The following AP3D1 variants were observed in gnomAD, a reference collection of about 807,000 sequenced individuals.
AP3D1 encodes the protein AP-3 complex subunit delta-1.
AP3D1 carries 51 observed loss-of-function variants against 147.6 expected under a neutral mutation model. The ratio of observed to expected loss-of-function variants is 0.35; its 90% CI spans 0.28 to 0.44. The LOEUF (loss-of-function observed/expected upper bound fraction) is 0.44. Among genes scored for constraint, AP3D1 ranks in the 20% least tolerant of loss-of-function variants. The probability of loss-of-function intolerance (pLI) is 1.00; values close to 1 mark genes in which losing one functional copy is unlikely to be tolerated. For synonymous variants in AP3D1, 760 were observed against 663.0 expected (o/e 1.15, Z -2.25); for missense variants, 1,421 against 1,624.2 (o/e 0.87, Z 2.15).
upstream of AP3D1, among the ~76,000 whole-genome samples, chr19:2,151,908 G>A (rs138021687): frequency 6.6e-6 from 1 of 152,240 alleles, no homozygotes; most frequent in Admixed American, 6.5e-5. Context: ...GAGCTTAGCC[G>A]GCAAGTTCCC....
chr19:2,163,237 C>T (rs1447726030), intron 1 of AP3D1, among the ~76,000 whole-genome samples: 2 of 152,020 alleles, frequency 1.3e-5, no homozygotes, highest in African/African-American at 4.8e-5. Flanking sequence ...CCGCGCCCAG[C>T]TAATTTTTGT....
At chr19:2,141,292 CAA>C (rs961577421) in intron 1 of AP3D1, among the ~76,000 whole-genome samples, 2 of 152,100 alleles carry the variant, frequency 1.3e-5, no homozygotes, top group African/African-American at 4.8e-5. Context: ...GATACTAAAA[CAA>C]TGATGCTGGT....
chr19:2,121,344 GGACCCAGC>G (rs1568287722), intron 12 of AP3D1, 33 bp from the exon 13 acceptor site: 2 of 1,610,100 alleles, frequency 1.2e-6, no homozygotes, highest in South Asian at 2.2e-5. Context: ...TGGTGAGAGC[GGACCCAGC>G]CTGGGGCCTG....
intron 31 of AP3D1, among the ~76,000 whole-genome samples, chr19:2,106,076 G>C (rs998467117): frequency 1.3e-5 from 2 of 152,192 alleles, no homozygotes; most frequent in African/African-American, 4.8e-5. Context: ...CTGGGCGACA[G>C]AGCGAGACTC....
At chr19:2,140,375 G>C (rs2238601) in intron 1 of AP3D1, among the ~76,000 whole-genome samples, 1 of 151,890 alleles carries the variant, frequency 6.6e-6, no homozygotes, top group Non-Finnish European at 1.5e-5. Flanking sequence ...CGAACACACA[G>C]GGCAGCACCA....
chr19:2,124,009 G>T (rs1418356669), intron 9 of AP3D1, 130 bp from the exon 10 acceptor site: 13 of 1,052,290 alleles, frequency 1.2e-5, no homozygotes, highest in Non-Finnish European at 1.8e-5. Context: ...ATGCCACTGA[G>T]TTTGGGACCA....
intron 1 of AP3D1, among the ~76,000 whole-genome samples, chr19:2,161,290 T>C (rs960974964): frequency 1.3e-5 from 2 of 151,288 alleles, no homozygotes; most frequent in African/African-American, 2.4e-5. Context: ...GCCTCCCGAG[T>C]AGCTGGGATT....
chr19:2,130,633 T>TCC, intron 5 of AP3D1, 96 bp from the exon 6 acceptor site: 1 of 1,555,846 alleles, frequency 6.4e-7, no homozygotes, highest in South Asian at 1.2e-5. Flanking sequence ...GGAGATGCCC[T>TCC]CCAGCCCGAC....
At chr19:2,137,529 TGGTCTCCAACTCCCAACCTCA>T (rs935896088) in intron 3 of AP3D1, among the ~76,000 whole-genome samples, 177 bp downstream of exon 3, 1 of 152,148 alleles carries the variant, frequency 6.6e-6, no homozygotes, top group African/African-American at 2.4e-5. Flanking sequence ...TTGGCCAGCC[TGGTCTCCAACTCCCAACCTCA>T]GGTGATCCGC....
chr19:2,127,650 G>C (rs181919980), intron 8 of AP3D1, among the ~76,000 whole-genome samples: 1 of 152,084 alleles, frequency 6.6e-6, no homozygotes, highest in African/African-American at 2.4e-5. Flanking sequence ...TCAGCCTCCC[G>C]TGCAGCTGGG....
intron 1 of AP3D1, among the ~76,000 whole-genome samples, chr19:2,144,773 C>A (rs1455334032): frequency 1.3e-5 from 2 of 152,126 alleles, no homozygotes; most frequent in Non-Finnish European, 2.9e-5. Flanking sequence ...TATGGTGGTG[C>A]ATGCCTGTAA....
intron 14 of AP3D1, among the ~76,000 whole-genome samples, 190 bp downstream of exon 14, chr19:2,120,672 T>G (rs375175708): frequency 7.2e-5 from 11 of 152,064 alleles, no homozygotes; most frequent in African/African-American, 2.7e-4. Context: ...CAGCACAGAC[T>G]CGCCTCTGTA....
chr19:2,129,222 C>A, intron 7 of AP3D1, 59 bp from the exon 8 acceptor site: 1 of 1,607,630 alleles, frequency 6.2e-7, no homozygotes, highest in Non-Finnish European at 8.5e-7. Context: ...GGGTGAGGGA[C>A]AGGGGGGGCC....
chr19:2,129,517 T>G, intron 6 of AP3D1, 60 bp from the exon 7 acceptor site: 1 of 1,566,448 alleles, frequency 6.4e-7, no homozygotes. Flanking sequence ...ACCATCCTAC[T>G]GTCTTCCTGG....
chr19:2,140,755 C>CTTTTT (rs71176516), intron 1 of AP3D1, among the ~76,000 whole-genome samples: 7 of 107,214 alleles, frequency 6.5e-5, no homozygotes, highest in Non-Finnish European at 9.6e-5. Context: ...ACACAAACGT[C>CTTTTT]TTTTTTTTTT....
chr19:2,123,722 C>T (rs963099983), intron 10 of AP3D1, 108 bp downstream of exon 10: 38 of 1,355,368 alleles, frequency 2.8e-5, no homozygotes, highest in Admixed American at 1.2e-4. Flanking sequence ...CGCAAGATGG[C>T]GTGGGGGGAC....
intron 15 of AP3D1, 57 bp downstream of exon 15, chr19:2,118,544 C>G: frequency 1.3e-6 from 2 of 1,529,740 alleles, no homozygotes. Flanking sequence ...CGCCACTGGA[C>G]AGAAAGGCAC....
rs8107563 is a variant in AP3D1 at position 2,158,361 on chromosome 19, T to G, written c.-103+5995A>C. ...ATGAGCCAACGTGCTCGACCTGTTT[T>G]TTTTTTTTTTTTAGAGATAGGGTCT... On this transcript the variant is annotated intron_variant, in intron 1 of 14. Transcript: ENST00000643010. 3.7e-3 allele frequency among the ~76,000 whole-genome samples: 561 copies of G among 151,520 alleles called. 4 individuals carry two copies. The highest frequency in any genetic ancestry group is 0.013 in the African/African-American group (529 of 41,276).
At chr19:2,153,360 C>T (rs2019608103), upstream of AP3D1, among the ~76,000 whole-genome samples, 2 of 137,532 alleles carry the variant, frequency 1.5e-5, no homozygotes, top group South Asian at 4.6e-4. Context: ...GGCAAAAGAG[C>T]GAAACATGGT....
Sources: gnomAD v4.1 joint callset for allele counts (sites outside exome capture counted in the v4.1 genomes callset) on GRCh38, gnomAD v4.1.1 for gene constraint, MANE v1.5 for transcripts, NCBI Gene and HGNC (gene_info 2026-07-23, HGNC 2026-07-21) for gene names.